GMDS: variants seen among roughly 807,000 people sequenced by gnomAD.
GMDS encodes the protein GDP-mannose 4,6 dehydratase.
A neutral mutation model predicts 49.9 loss-of-function variants in GMDS; 20 were observed. The observed-to-expected ratio is 0.40, with a 90% CI of 0.28 to 0.58. GMDS has a LOEUF of 0.58. Among genes scored for constraint, GMDS ranks in the 20% least tolerant of loss-of-function variants. GMDS has a pLI of 0.42. For synonymous variants in GMDS, 177 were observed against 178.6 expected, an observed-to-expected ratio of 0.99 and a Z score of 0.07; for missense variants, 362 against 481.4, an observed-to-expected ratio of 0.75 and a Z score of 2.32.
Position 1,968,792 on chromosome 6 carries a change from C to T in GMDS, c.346-7826G>A, listed in dbSNP as rs748654818. On this transcript the variant is annotated intron_variant, in intron 4 of 10. Transcript: ENST00000380815. ...TTAAAATTCTGAAATCTACTGAACG[C>T]AAAAGCTGGGGTAAATGAAAAAGAT... is the stretch of plus-strand genomic sequence containing the variant. Among the ~76,000 whole-genome samples the T allele has an allele frequency of 5.7e-4, 86 of 152,050 alleles. 1 individual carries two copies. Among genetic ancestry groups the T allele is most frequent in the Non-Finnish European group, 1.6e-4 (11 of 68,014 alleles).
chr6:2,141,971 T>C (rs1776319698), intron 1 of GMDS, among the ~76,000 whole-genome samples: 2 of 151,898 alleles, frequency 1.3e-5, no homozygotes, highest in Admixed American at 1.3e-4. Context: ...TAGCATACAT[T>C]TTGGTTCCAC....
At chr6:2,183,521 C>T (rs772340912) in intron 1 of GMDS, among the ~76,000 whole-genome samples, 2 of 152,186 alleles carry the variant, frequency 1.3e-5, no homozygotes, top group Non-Finnish European at 2.9e-5. Flanking sequence ...GAGATCAAAT[C>T]TACTCCTGGT....
intron 7 of GMDS, among the ~76,000 whole-genome samples, chr6:1,871,676 C>T (rs1414301261): frequency 2.0e-5 from 3 of 152,144 alleles, no homozygotes; most frequent in African/African-American, 7.2e-5. Context: ...ATGCTAAATA[C>T]GACAAAATTC....
intron 9 of GMDS, among the ~76,000 whole-genome samples, chr6:1,637,720 C>G (rs1265679194): frequency 6.6e-6 from 1 of 152,228 alleles, no homozygotes; most frequent in Non-Finnish European, 1.5e-5. Context: ...CTGCAGTGGG[C>G]CAGTCAGTCC....
chr6:1,734,291 T>C (rs937911053), intron 8 of GMDS, among the ~76,000 whole-genome samples: 1 of 152,184 alleles, frequency 6.6e-6, no homozygotes, highest in Non-Finnish European at 1.5e-5. Flanking sequence ...AATGTGAAAT[T>C]TAAATCCATT....
At chr6:2,204,446 A>C (rs891174545) in intron 1 of GMDS, among the ~76,000 whole-genome samples, 1 of 152,204 alleles carries the variant, frequency 6.6e-6, no homozygotes, top group Non-Finnish European at 1.5e-5. Flanking sequence ...TCATGTGCCA[A>C]ATGCTGCTTT....
At chr6:2,206,706 T>A (rs966337602) in intron 1 of GMDS, among the ~76,000 whole-genome samples, 1 of 152,212 alleles carries the variant, frequency 6.6e-6, no homozygotes, top group African/African-American at 2.4e-5. Context: ...CCCTCAGAGC[T>A]CTGGCTTGGT....
intron 1 of GMDS, among the ~76,000 whole-genome samples, chr6:2,234,325 G>A (rs1581839003): frequency 6.6e-6 from 1 of 152,110 alleles, no homozygotes; most frequent in Non-Finnish European, 1.5e-5. Flanking sequence ...ATATTTCAAT[G>A]ATAACATCAA....
intron 4 of GMDS, among the ~76,000 whole-genome samples, chr6:2,086,410 T>G (rs1459504131): frequency 6.6e-6 from 1 of 152,200 alleles, no homozygotes. Context: ...TTCCCATCAT[T>G]CTAATACGAT....
chr6:2,112,968 C>T (rs1475842340), intron 4 of GMDS, among the ~76,000 whole-genome samples: 1 of 152,188 alleles, frequency 6.6e-6, no homozygotes, highest in South Asian at 2.1e-4. Flanking sequence ...CCAGTTACTA[C>T]TTGGCATCTT....
chr6:2,044,282 A>G (rs9503078), intron 4 of GMDS, among the ~76,000 whole-genome samples: 277 of 152,358 alleles, frequency 1.8e-3, no homozygotes, highest in African/African-American at 5.9e-3. Context: ...CTGCAGCACT[A>G]TTCGCAATAG....
intron 9 of GMDS, among the ~76,000 whole-genome samples, chr6:1,645,772 C>T (rs2113198719): frequency 6.6e-6 from 1 of 152,304 alleles, no homozygotes; most frequent in South Asian, 2.1e-4. Context: ...CCATGGCCAC[C>T]GCAGCGTCAC....
At chr6:2,088,925 G>A (rs963461631) in intron 4 of GMDS, among the ~76,000 whole-genome samples, 13 of 152,334 alleles carry the variant, frequency 8.5e-5, no homozygotes, top group African/African-American at 3.1e-4. Flanking sequence ...GAGGCAACAT[G>A]TGCCAAGGGA....
chr6:1,835,135 A>T (rs1257569465), intron 7 of GMDS, among the ~76,000 whole-genome samples: 1 of 152,032 alleles, frequency 6.6e-6, no homozygotes, highest in African/African-American at 2.4e-5. Context: ...CACGGACGGG[A>T]GGGGCACAGA....
chr6:1,988,702 A>G (rs930168289), intron 4 of GMDS, among the ~76,000 whole-genome samples: 1 of 152,246 alleles, frequency 6.6e-6, no homozygotes, highest in Non-Finnish European at 1.5e-5. Context: ...GTCAATGTTT[A>G]AAAACAATAT....
At chr6:2,183,155 T>C (rs1324826722) in intron 1 of GMDS, among the ~76,000 whole-genome samples, 1 of 152,220 alleles carries the variant, frequency 6.6e-6, no homozygotes, top group East Asian at 1.9e-4. Context: ...AAGGAGTAAT[T>C]TCAACTTTCA....
intron 9 of GMDS, among the ~76,000 whole-genome samples, chr6:1,641,064 T>C (rs1387226421): frequency 6.6e-6 from 1 of 152,322 alleles, no homozygotes; most frequent in East Asian, 1.9e-4. Context: ...CCTGTATATA[T>C]TTCTTCCTCT....
chr6:1,809,426 A>T (rs1308961853), intron 7 of GMDS, among the ~76,000 whole-genome samples: 1 of 152,226 alleles, frequency 6.6e-6, no homozygotes, highest in African/African-American at 2.4e-5. Flanking sequence ...CTAAAGCACA[A>T]TAGCCTAGGC....
In GMDS at chr6:1,807,428, C is replaced by T. The variant is rs541354201; in HGVS notation, c.772-64842G>A. On this transcript the variant is annotated intron_variant, in intron 7 of 10. Coordinates refer to ENST00000380815, the MANE Select transcript of GMDS (RefSeq NM_001500.4). Reference sequence around the variant, plus strand: ...GATAGGGATCCCATGCTTAAGCTGACGGATTGTTACTCTCATACAATCCTG... The same window carrying T: ...GATAGGGATCCCATGCTTAAGCTGATGGATTGTTACTCTCATACAATCCTG... 5.9e-5 allele frequency among the ~76,000 whole-genome samples: 9 copies of T among 152,252 alleles called. No individual in the cohort carries two copies. The Middle Eastern group carries it at 0.01, about 173-fold the overall frequency.
Sources: allele counts gnomAD v4.1 joint callset (sites outside exome capture counted in the v4.1 genomes callset), GRCh38; gene constraint gnomAD v4.1.1; transcripts MANE v1.5; gene names NCBI Gene and HGNC (gene_info 2026-07-23, HGNC 2026-07-21).